Variants in ARHGAP24 observed in about 807,000 individuals in gnomAD.
The protein encoded by ARHGAP24 is Rho GTPase activating protein 24, also known as rho GTPase-activating protein 24.
Under a neutral mutation model 76.4 loss-of-function variants are expected in ARHGAP24, and 50 were observed. The ratio of observed to expected loss-of-function variants is 0.65; its 90% CI spans 0.52 to 0.83. ARHGAP24 has a LOEUF of 0.83. Among genes scored for constraint, ARHGAP24 ranks in the 40% least tolerant of loss-of-function variants. The pLI, the probability that ARHGAP24 is intolerant of heterozygous loss-of-function variation, is 0.00. For synonymous variants in ARHGAP24, 345 were observed against 323.3 expected (o/e 1.07, Z -0.72); for missense variants, 930 against 914.2 (o/e 1.02, Z -0.22).
At chr4:85,971,462 G>A (rs1738979179) in intron 5 of ARHGAP24, among the ~76,000 whole-genome samples, 1 of 151,948 alleles carries the variant, frequency 6.6e-6, no homozygotes, top group South Asian at 2.1e-4. Flanking sequence ...ATCACACTGA[G>A]GGTTCTTTAA....
chr4:85,974,674 A>G (rs1280680711), intron 6 of ARHGAP24, among the ~76,000 whole-genome samples: 1 of 152,240 alleles, frequency 6.6e-6, no homozygotes, highest in Admixed American at 6.5e-5. Context: ...CTGTTTCTCC[A>G]CAAATAGTAC....
chr4:85,931,405 A>G (rs1332679155), intron 4 of ARHGAP24, among the ~76,000 whole-genome samples: 1 of 152,120 alleles, frequency 6.6e-6, no homozygotes, highest in East Asian at 1.9e-4. Context: ...CCCTCAAAAC[A>G]GGGCCCTCGC....
At chr4:85,655,780 T>G in intron 2 of ARHGAP24, among the ~76,000 whole-genome samples, 3 of 34,656 alleles carry the variant, frequency 8.7e-5, no homozygotes, top group African/African-American at 4.5e-4. Flanking sequence ...TATATATATA[T>G]ATATATATAT....
At chr4:85,850,371 C>G (rs1290486114) in intron 3 of ARHGAP24, among the ~76,000 whole-genome samples, 1 of 152,084 alleles carries the variant, frequency 6.6e-6, no homozygotes, top group Non-Finnish European at 1.5e-5. Flanking sequence ...AGCAGTCTAT[C>G]AATTTTGTTG....
At chr4:85,952,371 T>G (rs1228123668) in intron 5 of ARHGAP24, among the ~76,000 whole-genome samples, 1 of 152,222 alleles carries the variant, frequency 6.6e-6, no homozygotes, top group Non-Finnish European at 1.5e-5. Context: ...CCATTTGTTT[T>G]CAATGTTTTG....
At chr4:85,757,793 C>T (rs1198690575) in intron 3 of ARHGAP24, among the ~76,000 whole-genome samples, 1 of 152,218 alleles carries the variant, frequency 6.6e-6, no homozygotes, top group African/African-American at 2.4e-5. Context: ...AATCACCATA[C>T]TGTCTTCCAC....
At chr4:85,629,796 T>C (rs1446958941) in intron 2 of ARHGAP24, among the ~76,000 whole-genome samples, 3 of 152,228 alleles carry the variant, frequency 2.0e-5, no homozygotes, top group Non-Finnish European at 4.4e-5. Flanking sequence ...TTTGAGAATT[T>C]GATTATAATA....
At chr4:85,962,240 A>G (rs1367542685) in intron 5 of ARHGAP24, among the ~76,000 whole-genome samples, 1 of 152,128 alleles carries the variant, frequency 6.6e-6, no homozygotes, top group Non-Finnish European at 1.5e-5. Flanking sequence ...ACTCTCAATG[A>G]AAAAATACTA....
intron 3 of ARHGAP24, among the ~76,000 whole-genome samples, chr4:85,813,744 T>C (rs1729109700): frequency 6.7e-6 from 1 of 149,894 alleles, no homozygotes; most frequent in African/African-American, 2.4e-5. Flanking sequence ...TTGTAAATAT[T>C]GTGAAATGAT....
chr4:85,801,920 T>TC (rs1327173361), intron 3 of ARHGAP24, among the ~76,000 whole-genome samples: 1 of 152,246 alleles, frequency 6.6e-6, no homozygotes, highest in African/African-American at 2.4e-5. Context: ...TGGATTACTT[T>TC]CATCAATAAA....
intron 5 of ARHGAP24, among the ~76,000 whole-genome samples, chr4:85,945,256 C>G (rs1737184692): frequency 6.6e-6 from 1 of 152,048 alleles, no homozygotes; most frequent in South Asian, 2.1e-4. Flanking sequence ...CATTCTCATG[C>G]CTCAGCCTCC....
intron 1 of ARHGAP24, among the ~76,000 whole-genome samples, chr4:85,537,380 A>G (rs1187495455): frequency 1.3e-5 from 2 of 152,084 alleles, no homozygotes; most frequent in Non-Finnish European, 2.9e-5. Flanking sequence ...TTTCTTGATT[A>G]TTGACTCTGG....
chr4:85,719,811 A>G (rs1222679789), intron 2 of ARHGAP24, among the ~76,000 whole-genome samples: 1 of 152,178 alleles, frequency 6.6e-6, no homozygotes, highest in East Asian at 1.9e-4. Flanking sequence ...AAATAACATA[A>G]CTACATACAA....
At chr4:85,912,470 C>G (rs1452068757) in intron 3 of ARHGAP24, among the ~76,000 whole-genome samples, 1 of 152,074 alleles carries the variant, frequency 6.6e-6, no homozygotes, top group Non-Finnish European at 1.5e-5. Flanking sequence ...AAATTTAAAC[C>G]CAAATTAGAG....
intron 2 of ARHGAP24, among the ~76,000 whole-genome samples, chr4:85,617,062 AAT>A (rs1347615767): frequency 6.8e-6 from 1 of 148,046 alleles, no homozygotes; most frequent in Non-Finnish European, 1.5e-5. Context: ...ATATATTCAT[AAT>A]ATATATGTTA....
chr4:85,646,592 T>C (rs935870372), intron 2 of ARHGAP24, among the ~76,000 whole-genome samples: 7 of 152,114 alleles, frequency 4.6e-5, no homozygotes, highest in Non-Finnish European at 7.4e-5. Context: ...TAGGATTAAA[T>C]TGTATTCATA....
intron 5 of ARHGAP24, among the ~76,000 whole-genome samples, chr4:85,970,282 C>T (rs556997150): frequency 9.2e-5 from 14 of 152,288 alleles, no homozygotes; most frequent in Non-Finnish European, 1.9e-4. Flanking sequence ...TCTGTCCTTA[C>T]ACACCCTTCG....
At chr4:85,755,642 T>TTTG (rs1726460392) in intron 3 of ARHGAP24, among the ~76,000 whole-genome samples, 2 of 105,046 alleles carry the variant, frequency 1.9e-5, no homozygotes, top group South Asian at 4.0e-4. Context: ...TTTTGTTTTG[T>TTTG]TTTGTTTTGA....
At chr4:85,784,619 G>C (rs1347548280) in intron 3 of ARHGAP24, among the ~76,000 whole-genome samples, 1 of 151,932 alleles carries the variant, frequency 6.6e-6, no homozygotes, top group East Asian at 1.9e-4. Context: ...CTGCTGGTCA[G>C]GGCCTCCTAT....
Sources: allele counts gnomAD v4.1 joint callset (sites outside exome capture counted in the v4.1 genomes callset), GRCh38; gene constraint gnomAD v4.1.1; transcripts MANE v1.5; gene names NCBI Gene and HGNC (gene_info 2026-07-23, HGNC 2026-07-21).